Variants in STX8 observed in about 807,000 individuals in gnomAD.
STX8 encodes the protein syntaxin-8.
STX8 carries 23 observed loss-of-function variants against 37.5 expected under a neutral mutation model. That is an observed-to-expected ratio of 0.61 (90% CI 0.44 to 0.87). The LOEUF (loss-of-function observed/expected upper bound fraction) is 0.87, where lower values mean the gene tolerates loss of function less well. Ranked by LOEUF, STX8 falls within the 40% of genes least tolerant of loss-of-function variation. STX8 has a pLI of 0.00. For synonymous variants in STX8, 115 were observed against 99.1 expected, an observed-to-expected ratio of 1.16 and a Z score of -0.95; for missense variants, 313 against 284.7, an observed-to-expected ratio of 1.10 and a Z score of -0.71.
intron 6 of STX8, among the ~76,000 whole-genome samples, chr17:9,439,578 C>T (rs944471544): frequency 1.1e-4 from 17 of 151,160 alleles, no homozygotes; most frequent in African/African-American, 4.1e-4. Context: ...TCACTGCAAC[C>T]TCTGCCTCCC....
chr17:9,331,321 C>T (rs925069438), intron 7 of STX8, among the ~76,000 whole-genome samples: 4 of 152,116 alleles, frequency 2.6e-5, no homozygotes, highest in African/African-American at 9.7e-5. Context: ...CCCTCCCTCC[C>T]CTCCCCCTCC....
chr17:9,379,917 G>A (rs377555717), intron 6 of STX8, among the ~76,000 whole-genome samples: 4 of 151,596 alleles, frequency 2.6e-5, no homozygotes, highest in Non-Finnish European at 4.4e-5. Context: ...GCAGTGAGCC[G>A]AGATTGCACC....
intron 7 of STX8, among the ~76,000 whole-genome samples, chr17:9,349,566 C>G (rs1470348378): frequency 3.3e-5 from 5 of 152,110 alleles, no homozygotes; most frequent in Admixed American, 2.0e-4. Flanking sequence ...AGGCGATCCA[C>G]CCGCCTTGGC....
chr17:9,328,305 G>C (rs1257650577), intron 7 of STX8, among the ~76,000 whole-genome samples: 1 of 152,044 alleles, frequency 6.6e-6, no homozygotes, highest in Admixed American at 6.6e-5. Context: ...ACTTTCTGTG[G>C]CCTGTCTTGG....
chr17:9,539,650 A>C (rs549278934), intron 4 of STX8, among the ~76,000 whole-genome samples: 1 of 148,286 alleles, frequency 6.7e-6, no homozygotes, highest in African/African-American at 2.5e-5. Flanking sequence ...AAAGTGACAA[A>C]GCAACCCAAC....
intron 7 of STX8, among the ~76,000 whole-genome samples, chr17:9,336,340 A>G (rs1256017922): frequency 6.6e-6 from 1 of 152,150 alleles, no homozygotes; most frequent in Admixed American, 6.5e-5. Flanking sequence ...TGAGGAAAAT[A>G]GACAATACTT....
intron 4 of STX8, among the ~76,000 whole-genome samples, chr17:9,521,287 G>C (rs951705999): frequency 1.3e-5 from 2 of 152,192 alleles, no homozygotes; most frequent in Non-Finnish European, 2.9e-5. Flanking sequence ...AGGGAACAGA[G>C]AGAAAGGGAC....
chr17:9,395,382 A>T (rs148886531), intron 6 of STX8, among the ~76,000 whole-genome samples: 1 of 152,072 alleles, frequency 6.6e-6, no homozygotes. Flanking sequence ...CGGGCACATC[A>T]ATCACTTGAG....
intron 6 of STX8, among the ~76,000 whole-genome samples, chr17:9,487,857 C>T (rs1357152293): frequency 6.6e-6 from 1 of 152,120 alleles, no homozygotes; most frequent in African/African-American, 2.4e-5. Flanking sequence ...GGATTTAGAC[C>T]TGTAATGTGA....
intron 7 of STX8, among the ~76,000 whole-genome samples, chr17:9,360,858 C>T (rs1055753054): frequency 6.6e-6 from 1 of 152,048 alleles, no homozygotes; most frequent in Non-Finnish European, 1.5e-5. Context: ...CGGCTGAGCA[C>T]CCAGCGCTCA....
intron 4 of STX8, 42 bp from the exon 5 acceptor site, chr17:9,505,204 C>G: frequency 1.3e-6 from 2 of 1,573,004 alleles, no homozygotes; most frequent in East Asian, 4.5e-5. Context: ...TCAAAACATG[C>G]AGCTCAAATG....
At position 9,385,998 on chromosome 17, in the gene STX8, T is replaced by C. The variant is rs1911992127; in HGVS notation, c.542-7345A>G. On this transcript the variant is annotated intron_variant, in intron 6 of 7. Coordinates refer to ENST00000306357, the MANE Select transcript of STX8 (RefSeq NM_004853.3). Reference sequence around the variant, plus strand: ...CATGTTGGCCAGGCTGGTCTTGAACTCCTAACCTCAGGTGATCCACCTGCC... The same window carrying C: ...CATGTTGGCCAGGCTGGTCTTGAACCCCTAACCTCAGGTGATCCACCTGCC... 2.0e-5 allele frequency among the ~76,000 whole-genome samples: 3 copies of C among 151,314 alleles called. No individual in the cohort carries two copies. The South Asian group carries it at 6.3e-4, about 32-fold the overall frequency.
intron 4 of STX8, among the ~76,000 whole-genome samples, chr17:9,529,739 T>C (rs1279248399): frequency 6.6e-6 from 1 of 152,260 alleles, no homozygotes; most frequent in Non-Finnish European, 1.5e-5. Context: ...AATTCTCATT[T>C]GCTGTGTGAC....
At chr17:9,487,584 A>G (rs1906653706) in intron 6 of STX8, among the ~76,000 whole-genome samples, 1 of 152,150 alleles carries the variant, frequency 6.6e-6, no homozygotes, top group Admixed American at 6.5e-5. Context: ...CACATTAGAA[A>G]ACCACCAGCA....
Position 9,262,597 on chromosome 17 carries a change from T to C in STX8, c.644-11952A>G, listed in dbSNP as rs577673332. On this transcript the variant is annotated intron_variant, in intron 7 of 7. Transcript: ENST00000306357. ...TTGTTTTGTTTTGTTTTTTTGTTTTTTTTGAGACAGAGTCTTGCTCTGTCG... is the reference window on the plus strand; with the variant it reads ...TTGTTTTGTTTTGTTTTTTTGTTTTCTTTGAGACAGAGTCTTGCTCTGTCG... Among the ~76,000 whole-genome samples, 23 of 152,260 alleles carry C rather than the reference T, an allele frequency of 1.5e-4. No homozygotes were observed. The East Asian group carries it at 4.4e-3, about 29-fold the overall frequency.
rs188146062 is a variant in STX8 at position 9,477,314 on chromosome 17, G to T, written c.541+14515C>A. Reference sequence around the variant, plus strand: ...GTACTTCAACATTTGAATTTGGGGGGTGACATATAATTCAGCCCATAGCAG... The same window carrying T: ...GTACTTCAACATTTGAATTTGGGGGTTGACATATAATTCAGCCCATAGCAG... On this transcript the variant is annotated intron_variant, in intron 6 of 7. Transcript: ENST00000306357. Among the ~76,000 whole-genome samples the T allele has an allele frequency of 1.5e-3, 228 of 152,208 alleles. 1 individual carries two copies. Among genetic ancestry groups the T allele is most frequent in the African/African-American group, 4.7e-3 (194 of 41,500 alleles).
chr17:9,333,539 C>T (rs962610973), intron 7 of STX8, among the ~76,000 whole-genome samples: 8 of 152,078 alleles, frequency 5.3e-5, no homozygotes, highest in Non-Finnish European at 1.0e-4. Context: ...AGGCGCCCGC[C>T]ACCACGCCCA....
chr17:9,405,527 T>C (rs1255258258), intron 6 of STX8, among the ~76,000 whole-genome samples: 1 of 152,218 alleles, frequency 6.6e-6, no homozygotes, highest in Non-Finnish European at 1.5e-5. Context: ...GCTTCAAGGC[T>C]TGGAGGTTAG....
chr17:9,561,664 C>CAAAAAAAAAAAAAAAAAAAAAGAAA (rs1907238169), intron 2 of STX8, among the ~76,000 whole-genome samples: 1 of 66,672 alleles, frequency 1.5e-5, no homozygotes, highest in Non-Finnish European at 2.6e-5. Context: ...TCCATCTGGC[C>CAAAAAAAAAAAAAAAAAAAAAGAAA]AAAAAAAAAA....
Sources: gnomAD v4.1 joint callset for allele counts (sites outside exome capture counted in the v4.1 genomes callset) on GRCh38, gnomAD v4.1.1 for gene constraint, MANE v1.5 for transcripts, NCBI Gene and HGNC (gene_info 2026-07-23, HGNC 2026-07-21) for gene names.